Variants in ADA observed in about 807,000 individuals in gnomAD.
The protein encoded by ADA is adenosine deaminase.
A neutral mutation model predicts 49.0 loss-of-function variants in ADA; 45 were observed. That is an observed-to-expected ratio of 0.92 (90% CI 0.72 to 1.18). ADA has a LOEUF of 1.18. Among genes scored for constraint, ADA ranks in the 50% most tolerant of loss-of-function variants. The probability of loss-of-function intolerance (pLI) is 0.00; values close to 1 mark genes in which losing one functional copy is unlikely to be tolerated. For synonymous variants in ADA, 173 were observed against 184.2 expected, an observed-to-expected ratio of 0.94 and a Z score of 0.49; for missense variants, 445 against 472.5, an observed-to-expected ratio of 0.94 and a Z score of 0.54.
intron 2 of ADA, chr20:44,635,958 G>C: frequency 1.9e-6 from 1 of 517,144 alleles, no homozygotes; most frequent in Non-Finnish European, 3.5e-6. Flanking sequence ...GTATGTGGGT[G>C]GGTGGGGAGA....
At chr20:44,620,639 CAG>C in intron 10 of ADA, 1 of 601,788 alleles carries the variant, frequency 1.7e-6, no homozygotes. Flanking sequence ...CTTTGAGAGA[CAG>C]GGTGGCATGT....
rs1568843585 is a variant in ADA, at chr20:44,622,882, G to C, written c.727C>G (p.Leu243Val). Reference sequence around the variant, plus strand: ...CTGTTATAAAGGGCCTGGTCTTCCAGGGTGTGGTAGCCGTGTCCCAGCCGC... The same window carrying C: ...CTGTTATAAAGGGCCTGGTCTTCCACGGTGTGGTAGCCGTGTCCCAGCCGC... ...TERLGHGYHT[L>V]EDQALYNRLR... The change falls in exon 8 of 12, where the codon CTG (leucine) becomes GTG (valine). Residue 243 changes from leucine (L) to valine (V), a missense_variant. Transcript: ENST00000372874. 6.2e-7 allele frequency: 1 copy of C among 1,614,258 alleles called. No individual in the cohort carries two copies.
At chr20:44,621,245 C>A (rs2065329125) in intron 9 of ADA, 98 bp from the exon 10 acceptor site, 1 of 1,477,164 alleles carries the variant, frequency 6.8e-7, no homozygotes, top group African/African-American at 1.4e-5. Flanking sequence ...CTCACAGCAG[C>A]CTCAAACAGA....
Position 44,646,509 on chromosome 20 carries a change from T to C in ADA, c.33+5066A>G, listed in dbSNP as rs562556155. Among the ~76,000 whole-genome samples the C allele has an allele frequency of 2.1e-3, 327 of 152,136 alleles. 2 individuals carry two copies. Among genetic ancestry groups the C allele is most frequent in the Non-Finnish European group, 3.7e-3 (255 of 68,008 alleles). On this transcript the variant is annotated intron_variant, in intron 1 of 11. Coordinates refer to ENST00000372874, the MANE Select transcript of ADA (RefSeq NM_000022.4). ...GCTGGAGAGGCCTCCCAGAGTCTAC[T>C]GCAACCCCCACTCCAGTCCCCAGGA...
At chr20:44,638,542 A>C (rs535730703) in intron 1 of ADA, among the ~76,000 whole-genome samples, 6 of 152,196 alleles carry the variant, frequency 3.9e-5, no homozygotes, top group Non-Finnish European at 8.8e-5. Context: ...ACGCCACTGC[A>C]CTCCAGCCTG....
intron 3 of ADA, among the ~76,000 whole-genome samples, chr20:44,627,735 G>A (rs889523912): frequency 6.6e-6 from 1 of 152,192 alleles, no homozygotes; most frequent in African/African-American, 2.4e-5. Flanking sequence ...GCAGGGAAGA[G>A]AAATGAGAGA....
chr20:44,638,131 C>G (rs547208736), intron 1 of ADA, among the ~76,000 whole-genome samples: 35 of 152,314 alleles, frequency 2.3e-4, no homozygotes, highest in South Asian at 2.1e-3. Context: ...CTGCTTGACC[C>G]TGAGAAAGTC....
chr20:44,625,804 C>A, intron 4 of ADA, 120 bp from the exon 5 acceptor site: 2 of 795,158 alleles, frequency 2.5e-6, no homozygotes, highest in Non-Finnish European at 2.1e-6. Context: ...CCCCACTGAC[C>A]CACTGCCTCA....
At chr20:44,634,980 G>A (rs1194271957) in intron 2 of ADA, among the ~76,000 whole-genome samples, 2 of 152,254 alleles carry the variant, frequency 1.3e-5, no homozygotes, top group African/African-American at 2.4e-5. Flanking sequence ...GTCTGCGGGG[G>A]CAGGGCTGGG....
chr20:44,637,483 G>A (rs1287313519), intron 1 of ADA, among the ~76,000 whole-genome samples: 1 of 152,186 alleles, frequency 6.6e-6, no homozygotes, highest in Non-Finnish European at 1.5e-5. Context: ...GGACTTTGCT[G>A]TTCCTGCTGT....
intron 2 of ADA, among the ~76,000 whole-genome samples, chr20:44,635,085 T>C (rs1025918478): frequency 1.3e-5 from 2 of 152,158 alleles, no homozygotes; most frequent in African/African-American, 4.8e-5. Context: ...CAGGAGATAA[T>C]ATGTCCAAAT....
At chr20:44,624,478 C>A in intron 5 of ADA, 149 bp from the exon 6 acceptor site, 1 of 1,090,964 alleles carries the variant, frequency 9.2e-7, no homozygotes. Flanking sequence ...TATGTCCTAA[C>A]CACATGGCCT....
chr20:44,621,194 A>G (rs1216511966), intron 9 of ADA, 47 bp from the exon 10 acceptor site: 7 of 1,613,072 alleles, frequency 4.3e-6, no homozygotes, highest in Admixed American at 3.3e-5. Flanking sequence ...TTACTCTTAC[A>G]TAAATAGTCA....
intron 2 of ADA, among the ~76,000 whole-genome samples, chr20:44,632,973 C>T (rs533953351): frequency 6.4e-4 from 98 of 152,350 alleles, no homozygotes; most frequent in African/African-American, 2.3e-3. Context: ...GGATTACAGG[C>T]GTGAGCCACC....
chr20:44,620,845 C>T, intron 10 of ADA, 173 bp downstream of exon 10: 1 of 870,354 alleles, frequency 1.1e-6, no homozygotes, highest in Admixed American at 2.0e-5. Context: ...GGTCCTAGGT[C>T]AGGACGTCAA....
At chr20:44,639,275 G>T (rs1371034307) in intron 1 of ADA, among the ~76,000 whole-genome samples, 5 of 152,138 alleles carry the variant, frequency 3.3e-5, no homozygotes, top group Admixed American at 2.0e-4. Context: ...TTAGGCCTGG[G>T]TGGGGAGCAA....
At chr20:44,631,950 T>TC (rs1029252249) in intron 2 of ADA, among the ~76,000 whole-genome samples, 1 of 151,980 alleles carries the variant, frequency 6.6e-6, no homozygotes, top group Non-Finnish European at 1.5e-5. Flanking sequence ...CAAATACGGC[T>TC]CCTCCATCTA....
Position 44,619,736 on chromosome 20 carries a change from G to C in ADA, c.*98C>G, listed in dbSNP as rs1021625993. The C allele has an allele frequency of 1.1e-5, 16 of 1,499,458 alleles. No individual in the cohort carries two copies. The African/African-American group carries it at 2.2e-4, about 21-fold the overall frequency. The allele number at this position is 1,499,458 out of a possible 1,614,324, so 92.9% of individuals were successfully genotyped here. A position where few individuals can be genotyped will look rare whatever the true frequency, so the allele number is the denominator to read the frequency against. Reference sequence around the variant, plus strand: ...AGGAGCATCAGTAACTGACTATTGAGATCATGGTCTTCTTGGAAGGAATAA... The same window carrying C: ...AGGAGCATCAGTAACTGACTATTGACATCATGGTCTTCTTGGAAGGAATAA... On this transcript the variant is annotated 3_prime_UTR_variant, in exon 12 of 12. Coordinates refer to ENST00000372874, the MANE Select transcript of ADA (RefSeq NM_000022.4).
chr20:44,626,670 T>A, intron 3 of ADA, 71 bp from the exon 4 acceptor site: 2 of 1,591,860 alleles, frequency 1.3e-6, no homozygotes, highest in South Asian at 2.2e-5. Flanking sequence ...GCAAATGACA[T>A]CCCCAACCCT....
Sources: gnomAD v4.1 joint callset for allele counts (sites outside exome capture counted in the v4.1 genomes callset) on GRCh38, gnomAD v4.1.1 for gene constraint, MANE v1.5 for transcripts, NCBI Gene and HGNC (gene_info 2026-07-23, HGNC 2026-07-21) for gene names.